NLRC5: variants seen among roughly 807,000 people sequenced by gnomAD.
NLRC5 encodes the protein protein NLRC5.
NLRC5 carries 114 observed loss-of-function variants against 206.9 expected under a neutral mutation model. The ratio of observed to expected loss-of-function variants is 0.55; its 90% confidence interval spans 0.47 to 0.64. The LOEUF (loss-of-function observed/expected upper bound fraction) is 0.64, where lower values mean the gene tolerates loss of function less well. NLRC5 is among the 30% of genes least tolerant of loss of function. The probability of loss-of-function intolerance (pLI) is 0.00; values close to 1 mark genes in which losing one functional copy is unlikely to be tolerated. For missense variants in NLRC5, 2,008 were observed against 2,305.5 expected, an observed-to-expected ratio of 0.87 and a Z score of 2.64; for synonymous variants, 952 against 962.8, an observed-to-expected ratio of 0.99 and a Z score of 0.21.
At chr16:57,059,183 C>A (rs2066081318) in intron 29 of NLRC5, 122 bp downstream of exon 29, 7 of 1,568,768 alleles carry the variant, frequency 4.5e-6, no homozygotes, top group Non-Finnish European at 4.3e-6. Context: ...TTGGAGCAAC[C>A]TCTGCCTTTC....
At chr16:57,064,943 GATAAAAAA>G (rs2066924978) in intron 32 of NLRC5, among the ~76,000 whole-genome samples, 1 of 151,660 alleles carries the variant, frequency 6.6e-6, no homozygotes, top group South Asian at 2.1e-4. Flanking sequence ...AATAAGATAA[GATAAAAAA>G]ATAAAATATA....
At chr16:57,047,231 G>A (rs1198224937) in intron 22 of NLRC5, among the ~76,000 whole-genome samples, 1 of 152,208 alleles carries the variant, frequency 6.6e-6, no homozygotes, top group Non-Finnish European at 1.5e-5. Flanking sequence ...AGGCAAGAGT[G>A]GAAGCCCAGA....
At chr16:57,041,026 G>A (rs963581385) in intron 17 of NLRC5, among the ~76,000 whole-genome samples, 1 of 152,126 alleles carries the variant, frequency 6.6e-6, no homozygotes, top group African/African-American at 2.4e-5. Context: ...GGGAGCACTG[G>A]GCTCCTTCTG....
At position 57,047,957 on chromosome 16, in the gene NLRC5, C is replaced by T. The variant is rs928182000; in HGVS notation, c.3422+329C>T. The T allele has an allele frequency of 2.6e-5, 9 of 351,990 alleles. No individual in the cohort carries two copies. The South Asian group carries it at 4.0e-4, about 16-fold the overall frequency. 21.8% of individuals were successfully genotyped at this position (351,990 alleles called of 1,614,324 possible). A position where few individuals can be genotyped will look rare whatever the true frequency, so the allele number is the denominator to read the frequency against. ...CACCAGGGCACCCACTTGAACCTGC[C>T]TGCATGGCTGGAGCGTAGCACTTCT... is the stretch of plus-strand genomic sequence containing the variant. On this transcript the variant is annotated intron_variant, in intron 23 of 48. Transcript: ENST00000688547.
At chr16:57,055,772 A>G (rs2065577538) in intron 27 of NLRC5, among the ~76,000 whole-genome samples, 1 of 152,114 alleles carries the variant, frequency 6.6e-6, no homozygotes, top group Non-Finnish European at 1.5e-5. Context: ...CCTCAGCCTC[A>G]AGTATGTGCA....
Position 57,082,525 on chromosome 16 carries a change from T to C in NLRC5, c.5598T>C (p.Thr1866=). The part of the protein sequence containing the change: ...FDNQPQAPWG[T] Reference sequence around the variant, plus strand: ...ACCAGCCCCAGGCCCCTTGGGGTACTTGATGGCCCCCTCAAGACCTTTGGA... The same window carrying C: ...ACCAGCCCCAGGCCCCTTGGGGTACCTGATGGCCCCCTCAAGACCTTTGGA... Residue 1866 remains threonine (T), a synonymous_variant, in exon 49 of 49, where the codon ACT becomes ACC. Transcript: ENST00000688547. The C allele has an allele frequency of 1.1e-5, 17 of 1,608,744 alleles. No homozygotes were observed. Among genetic ancestry groups the C allele is most frequent in the Non-Finnish European group, 1.4e-5 (17 of 1,175,380 alleles).
At chr16:57,066,932 C>T (rs1205664273) in intron 34 of NLRC5, among the ~76,000 whole-genome samples, 1 of 152,142 alleles carries the variant, frequency 6.6e-6, no homozygotes, top group Non-Finnish European at 1.5e-5. Context: ...AACTCCTCCT[C>T]ATCCCTCAGG....
chr16:57,026,308 G>T lies in NLRC5; in HGVS notation c.1365G>T (p.Ser455=). ...ALSPPGHLPT[S]SLLDLGEVAL... is the part of the protein sequence containing the mutation. ...GCCCCCCTGGGCACTTGCCCACCTC[G>T]TCCCTACTGGACCTGGGGGAGGTGG... The change falls in exon 6 of 49, where the codon TCG becomes TCT. Residue 455 remains serine (S), a synonymous_variant. Transcript: ENST00000688547. 1 of 1,614,006 alleles carries T rather than the reference G, an allele frequency of 6.2e-7. No homozygotes were observed. The highest frequency in any genetic ancestry group is 2.2e-5 in the East Asian group (1 of 44,876).
chr16:57,049,940 A>G (rs572324740), intron 23 of NLRC5, among the ~76,000 whole-genome samples: 2 of 152,022 alleles, frequency 1.3e-5, no homozygotes, highest in Non-Finnish European at 2.9e-5. Flanking sequence ...AAGGTACTCA[A>G]TGCTGAAGTC....
At chr16:57,062,002 C>G in intron 32 of NLRC5, 1 of 1,450,088 alleles carries the variant, frequency 6.9e-7, no homozygotes, top group South Asian at 1.2e-5. Flanking sequence ...AAACGAAGTT[C>G]TTGTCTGTCT....
At chr16:57,022,395 A>T (rs115551671) in intron 4 of NLRC5, 80 bp downstream of exon 4, 83 of 811,244 alleles carry the variant, frequency 1.0e-4, no homozygotes, top group Non-Finnish European at 1.4e-4. Flanking sequence ...GAGGCTGTGG[A>T]GGCTGTGGTG....
chr16:57,058,355 C>T, intron 28 of NLRC5: 1 of 568,964 alleles, frequency 1.8e-6, no homozygotes, highest in East Asian at 3.0e-5. Flanking sequence ...GCAGATCCTC[C>T]ACCAAACACC....
chr16:57,079,366 A>C, intron 45 of NLRC5, 74 bp downstream of exon 45: 1 of 1,532,244 alleles, frequency 6.5e-7, no homozygotes, highest in Non-Finnish European at 9.0e-7. Flanking sequence ...TGAGCCTAAC[A>C]CCTGGGGAGG....
Position 57,026,813 on chromosome 16 carries a change from G to A in NLRC5, c.1870G>A (p.Glu624Lys). The A allele has an allele frequency of 6.2e-7, 1 of 1,614,196 alleles. No homozygotes were observed. The highest frequency in any genetic ancestry group is 8.5e-7 in the Non-Finnish European group (1 of 1,180,018). Residue 624 changes from glutamate to lysine, a missense_variant, in exon 6 of 49, where the codon GAG becomes AAG. Coordinates refer to ENST00000688547, the MANE Select transcript of NLRC5 (RefSeq NM_001384950.1). The stretch of plus-strand genomic sequence containing the variant: ...GTGTCACTGTGTGGATGAGACACAG[G>A]AGCCTGAGCTGGCCAGTCTCACCGC... Reference protein sequence around the residue: ...ELCHCVDETQEPELASLTAQS... With the variant: ...ELCHCVDETQKPELASLTAQS...
At chr16:57,038,074 G>A (rs1162774589) in intron 15 of NLRC5, among the ~76,000 whole-genome samples, 1 of 152,066 alleles carries the variant, frequency 6.6e-6, no homozygotes, top group East Asian at 1.9e-4. Context: ...ACATTTAGCT[G>A]TAGGGATGTT....
chr16:57,000,276 C>T (rs926020769), intron 1 of NLRC5, among the ~76,000 whole-genome samples: 5 of 152,104 alleles, frequency 3.3e-5, no homozygotes, highest in African/African-American at 1.2e-4. Context: ...TAGGGCACCC[C>T]AGTCCTGGAG....
At position 57,080,515 on chromosome 16, in the gene NLRC5, C is replaced by A. The variant is rs143732978; in HGVS notation, c.5322-583C>A. ...TTTTTTTTTTTTTGAGATGGAGTCT[C>A]CCTCTGTTACCCAGGCTGGAGTGCA... On this transcript the variant is annotated intron_variant, in intron 46 of 48. Coordinates refer to ENST00000688547, the MANE Select transcript of NLRC5 (RefSeq NM_001384950.1). Among the ~76,000 whole-genome samples the A allele has an allele frequency of 0.03, 3,843 of 128,082 alleles. 377 individuals carry two copies. The East Asian group carries it at 0.32, about 11-fold the overall frequency. 84.0% of individuals were successfully genotyped at this position (128,082 alleles called of 152,430 possible). A position where few individuals can be genotyped will look rare whatever the true frequency, so the allele number is the denominator to read the frequency against.
At chr16:57,004,817 G>C (rs1252917607) in intron 1 of NLRC5, among the ~76,000 whole-genome samples, 1 of 152,238 alleles carries the variant, frequency 6.6e-6, no homozygotes, top group African/African-American at 2.4e-5. Flanking sequence ...AGCGAGGGCA[G>C]TTGGAGGGAG....
At chr16:57,031,848 G>A (rs1432844623) in intron 11 of NLRC5, among the ~76,000 whole-genome samples, 2 of 151,350 alleles carry the variant, frequency 1.3e-5, no homozygotes, top group African/African-American at 4.9e-5. Flanking sequence ...AATTAAATGA[G>A]TTACTACACT....
Sources: gnomAD v4.1 joint callset for allele counts (sites outside exome capture counted in the v4.1 genomes callset) on GRCh38, gnomAD v4.1.1 for gene constraint, MANE v1.5 for transcripts, NCBI Gene and HGNC (gene_info 2026-07-23, HGNC 2026-07-21) for gene names.